The following SLC25A21 variants were observed in gnomAD, a reference collection of about 807,000 sequenced individuals.
SLC25A21 encodes mitochondrial 2-oxodicarboxylate carrier.
Under a neutral mutation model 43.8 loss-of-function variants are expected in SLC25A21, and 47 were observed. That is an observed-to-expected ratio of 1.07 (90% CI 0.85 to 1.37). SLC25A21 has a LOEUF of 1.37. Ranked by LOEUF, SLC25A21 falls within the 40% of genes most tolerant of loss-of-function variation. The pLI, the probability that SLC25A21 is intolerant of heterozygous loss-of-function variation, is 0.00. For synonymous variants in SLC25A21, 131 were observed against 121.3 expected (o/e 1.08, Z -0.52); for missense variants, 352 against 350.2 (o/e 1.00, Z -0.04).
intron 1 of SLC25A21, among the ~76,000 whole-genome samples, chr14:37,108,710 T>A (rs1393248824): frequency 0.011 from 83 of 7,840 alleles, 1 homozygote; most frequent in African/African-American, 0.012. Context: ...GTTAAGTGTG[T>A]GTGTGTGTGT....
At chr14:36,999,487 G>C (rs1403843662) in intron 1 of SLC25A21, among the ~76,000 whole-genome samples, 1 of 152,066 alleles carries the variant, frequency 6.6e-6, no homozygotes, top group Non-Finnish European at 1.5e-5. Context: ...TGTACAACAC[G>C]AAGAGTGAAT....
intron 1 of SLC25A21, among the ~76,000 whole-genome samples, chr14:37,061,082 G>A (rs1961938653): frequency 6.6e-6 from 1 of 152,180 alleles, no homozygotes; most frequent in Non-Finnish European, 1.5e-5. Context: ...GATCCCTGCT[G>A]GAGCAAGGAC....
intron 3 of SLC25A21, among the ~76,000 whole-genome samples, chr14:36,793,298 G>T (rs1887556244): frequency 6.6e-6 from 1 of 152,210 alleles, no homozygotes; most frequent in South Asian, 2.1e-4. Flanking sequence ...GATGTTGGGG[G>T]AATGAAGAAA....
At chr14:36,707,904 C>T (rs1487775958) in intron 7 of SLC25A21, among the ~76,000 whole-genome samples, 1 of 152,120 alleles carries the variant, frequency 6.6e-6, no homozygotes, top group Non-Finnish European at 1.5e-5. Context: ...GTGGGAGGAT[C>T]ACTGAAGCAC....
chr14:36,924,427 C>CA (rs564201209), intron 1 of SLC25A21, among the ~76,000 whole-genome samples: 6 of 150,876 alleles, frequency 4.0e-5, no homozygotes, highest in Non-Finnish European at 8.8e-5. Flanking sequence ...ATCTCAAGGA[C>CA]AAAAAACCAA....
intron 3 of SLC25A21, among the ~76,000 whole-genome samples, chr14:36,756,532 G>A (rs749371051): frequency 5.9e-5 from 9 of 152,156 alleles, no homozygotes; most frequent in Non-Finnish European, 1.2e-4. Context: ...TCAAGGATGC[G>A]GAAAACACTT....
chr14:36,853,597 GGCCCTCTCCTCA>G (rs1033723464), intron 2 of SLC25A21, among the ~76,000 whole-genome samples: 5 of 152,092 alleles, frequency 3.3e-5, no homozygotes, highest in African/African-American at 1.2e-4. Context: ...ACACCCAAGA[GGCCCTCTCCTCA>G]GCCCATTTGG....
intron 3 of SLC25A21, among the ~76,000 whole-genome samples, chr14:36,767,712 C>A (rs997653390): frequency 6.6e-6 from 1 of 152,182 alleles, no homozygotes; most frequent in Non-Finnish European, 1.5e-5. Context: ...AATACATATG[C>A]CACATTTTAT....
At chr14:36,820,213 C>T (rs1888580441) in intron 2 of SLC25A21, among the ~76,000 whole-genome samples, 1 of 152,192 alleles carries the variant, frequency 6.6e-6, no homozygotes, top group African/African-American at 2.4e-5. Context: ...CTCTCTTCTG[C>T]CTTCTCCCAT....
intron 3 of SLC25A21, among the ~76,000 whole-genome samples, chr14:36,776,845 A>G (rs555076921): frequency 2.5e-4 from 38 of 152,202 alleles, no homozygotes; most frequent in Non-Finnish European, 4.6e-4. Context: ...ATTTACCTTC[A>G]CACATCCTGT....
intron 3 of SLC25A21, among the ~76,000 whole-genome samples, chr14:36,755,903 C>A (rs1435676364): frequency 2.0e-5 from 3 of 152,176 alleles, no homozygotes; most frequent in Non-Finnish European, 4.4e-5. Context: ...GAGGCTGGGA[C>A]TCAGCACATA....
At chr14:36,743,017 C>T (rs959359724) in intron 3 of SLC25A21, among the ~76,000 whole-genome samples, 6 of 152,000 alleles carry the variant, frequency 3.9e-5, no homozygotes, top group African/African-American at 1.2e-4. Flanking sequence ...TTCTAAAATA[C>T]AAAAATTTAT....
At chr14:36,695,296 CTGT>C (rs1290204773) in intron 7 of SLC25A21, among the ~76,000 whole-genome samples, 2 of 152,118 alleles carry the variant, frequency 1.3e-5, no homozygotes, top group African/African-American at 2.4e-5. Flanking sequence ...CAGTACCATG[CTGT>C]TTGGGTTACT....
chr14:36,763,032 C>T (rs908038346), intron 3 of SLC25A21, among the ~76,000 whole-genome samples: 6 of 152,170 alleles, frequency 3.9e-5, no homozygotes, highest in South Asian at 2.1e-4. Context: ...TCATAATTAT[C>T]TTCCTGTAGT....
chr14:36,946,747 T>C (rs75510651), intron 1 of SLC25A21, among the ~76,000 whole-genome samples: 6,604 of 152,256 alleles, frequency 0.043, 288 homozygotes, highest in Middle Eastern at 0.14. Context: ...CAGTGAATGA[T>C]GGCCACCCCA....
chr14:37,091,814 C>T (rs1962591896), intron 1 of SLC25A21, among the ~76,000 whole-genome samples: 1 of 152,110 alleles, frequency 6.6e-6, no homozygotes, highest in African/African-American at 2.4e-5. Context: ...CACTGAAAGC[C>T]TCTGAGTTAT....
chr14:36,872,071 AAAG>A (rs1423770039), intron 2 of SLC25A21, among the ~76,000 whole-genome samples: 3 of 152,226 alleles, frequency 2.0e-5, no homozygotes, highest in African/African-American at 7.2e-5. Flanking sequence ...ACTGGATCAA[AAAG>A]AAGTGGAAAG....
chr14:37,088,763 T>C (rs1479325349), intron 1 of SLC25A21, among the ~76,000 whole-genome samples: 2 of 152,224 alleles, frequency 1.3e-5, no homozygotes, highest in Non-Finnish European at 2.9e-5. Flanking sequence ...CATTTCCTTC[T>C]GAGAAAATTA....
intron 1 of SLC25A21, among the ~76,000 whole-genome samples, chr14:36,993,710 T>C (rs957642165): frequency 3.3e-5 from 5 of 152,068 alleles, no homozygotes; most frequent in African/African-American, 1.2e-4. Flanking sequence ...TCATAAATGT[T>C]AACTAGTGTG....
Sources: allele counts gnomAD v4.1 joint callset (sites outside exome capture counted in the v4.1 genomes callset), GRCh38; gene constraint gnomAD v4.1.1; transcripts MANE v1.5; gene names NCBI Gene and HGNC (gene_info 2026-07-23, HGNC 2026-07-21).